Variants in ZW10 observed in about 807,000 individuals in gnomAD.
ZW10 encodes the protein centromere/kinetochore protein zw10 homolog.
In ZW10, 53 loss-of-function variants were observed where a neutral mutation model predicts 87.8. The observed-to-expected ratio is 0.60, with a 90% confidence interval of 0.48 to 0.76. The LOEUF (loss-of-function observed/expected upper bound fraction) is 0.76, where lower values mean the gene tolerates loss of function less well. ZW10 is among the 30% of genes least tolerant of loss of function. The probability of loss-of-function intolerance (pLI) is 0.00; values close to 1 mark genes in which losing one functional copy is unlikely to be tolerated. For missense variants in ZW10, 837 were observed against 923.0 expected (o/e 0.91, Z 1.21); for synonymous variants, 312 against 329.2 (o/e 0.95, Z 0.57).
At position 113,747,582 on chromosome 11, in the gene ZW10, C is replaced by T. The variant is rs1476026060; in HGVS notation, c.1221G>A (p.Val407=). ...SHFANKKCQD[V]IVAARNLMTS... ...TCATTAGATTTCTGGCTGCCACAAT[C>T]ACATCCTGGCACTTTTTGTTTGCAA... The change falls in exon 9 of 16, where the codon GTG becomes GTA. Residue 407 remains valine, a synonymous_variant. Transcript: ENST00000200135. The T allele has an allele frequency of 1.2e-6, 2 of 1,613,568 alleles. No homozygotes were observed. Among genetic ancestry groups the T allele is most frequent in the African/African-American group, 2.7e-5 (2 of 74,916 alleles).
chr11:113,768,944 G>A lies in ZW10; in HGVS notation c.129C>T (p.Ser43=). The change falls in exon 2 of 16, where the codon AGC becomes AGT. Residue 43 remains serine, a synonymous_variant. Transcript: ENST00000200135. The part of the protein sequence containing the change: ...EIKGEVCNMI[S]KKYSEFLPSM... ...TAGGCAGGAATTCACTGTACTTCTT[G>A]CTAATCATATTGCACACCTCACCCT... 2 of 1,614,082 alleles carry A rather than the reference G, an allele frequency of 1.2e-6. No individual in the cohort carries two copies. Among genetic ancestry groups the A allele is most frequent in the South Asian group, 2.2e-5 (2 of 91,072 alleles).
intron 7 of ZW10, among the ~76,000 whole-genome samples, chr11:113,756,760 A>G (rs992985699): frequency 5.9e-5 from 9 of 152,176 alleles, no homozygotes; most frequent in African/African-American, 1.7e-4. Context: ...CATCTCTCCA[A>G]TTCCTTCTAA....
At chr11:113,744,238 T>A (rs891471965) in intron 9 of ZW10, among the ~76,000 whole-genome samples, 198 bp from the exon 10 acceptor site, 15 of 151,744 alleles carry the variant, frequency 9.9e-5, no homozygotes, top group Admixed American at 2.6e-4. Context: ...ATACAAAAAA[T>A]TGGCCGGGCG....
chr11:113,735,089 A>G (rs1413813060), intron 15 of ZW10, among the ~76,000 whole-genome samples: 1 of 152,118 alleles, frequency 6.6e-6, no homozygotes, highest in Non-Finnish European at 1.5e-5. Flanking sequence ...GGTACATGAA[A>G]TTTATTCTTT....
At chr11:113,760,064 G>A in intron 5 of ZW10, 145 bp downstream of exon 5, 1 of 992,782 alleles carries the variant, frequency 1.0e-6, no homozygotes, top group Non-Finnish European at 1.4e-6. Flanking sequence ...TCCTAAGAAA[G>A]CATCTTGCTA....
intron 2 of ZW10, among the ~76,000 whole-genome samples, chr11:113,768,551 G>C (rs1218165145): frequency 6.6e-6 from 1 of 152,168 alleles, no homozygotes; most frequent in East Asian, 1.9e-4. Context: ...CAAAGTAACA[G>C]ATTGATCCAC....
rs781585046 is a variant in ZW10, at chr11:113,758,506, T to C, written c.733+48A>G. 49 of 1,581,808 alleles carry C rather than the reference T, an allele frequency of 3.1e-5. No homozygotes were observed. In the Middle Eastern group the frequency reaches 2.3e-3, roughly 75 times the overall value. On this transcript the variant is annotated intron_variant, in intron 6 of 15. Coordinates refer to ENST00000200135, the MANE Select transcript of ZW10 (RefSeq NM_004724.4). ...ATCTTTTCTGTCTTCCCTTTAATAC[T>C]GGGCCTCAGGAGATTTTGTGTAAAT...
In ZW10 at chr11:113,757,775, T is replaced by C; in HGVS notation, c.812A>G (p.Asn271Ser). Residue 271 changes from asparagine (N) to serine (S), a missense_variant, in exon 7 of 16, where the codon AAC becomes AGC. Transcript: ENST00000200135. Reference sequence around the variant, plus strand: ...AGATTCAAAACGAATAATAACTATGTTAGGCTGGCTTTCTATCACAGCATG... The same window carrying C: ...AGATTCAAAACGAATAATAACTATGCTAGGCTGGCTTTCTATCACAGCATG... ...SLHAVIESQPNIVIIRFESIM... is the reference protein window; with the variant it reads ...SLHAVIESQPSIVIIRFESIM... 1 of 1,613,854 alleles carries C rather than the reference T, an allele frequency of 6.2e-7. No individual in the cohort carries two copies. The highest frequency in any genetic ancestry group is 8.5e-7 in the Non-Finnish European group (1 of 1,179,816).
intron 7 of ZW10, among the ~76,000 whole-genome samples, chr11:113,751,921 C>T (rs1431275861): frequency 2.0e-5 from 3 of 151,802 alleles, no homozygotes; most frequent in Non-Finnish European, 4.4e-5. Context: ...CACTCCATCA[C>T]GTGATAGATA....
At chr11:113,734,368 C>T (rs74334028) in intron 15 of ZW10, among the ~76,000 whole-genome samples, 3,651 of 152,162 alleles carry the variant, frequency 0.024, 139 homozygotes, top group African/African-American at 0.082. Context: ...CATTGCATGC[C>T]AATTAGATCA....
intron 11 of ZW10, among the ~76,000 whole-genome samples, chr11:113,741,145 GT>G (rs1953613308): frequency 6.8e-6 from 1 of 147,350 alleles, no homozygotes; most frequent in Non-Finnish European, 1.5e-5. Flanking sequence ...TTGGTTTTTT[GT>G]TTCTTTGTTT....
At chr11:113,736,923 C>A (rs896776989) in intron 14 of ZW10, 101 bp from the exon 15 acceptor site, 2 of 1,084,956 alleles carry the variant, frequency 1.8e-6, no homozygotes, top group Non-Finnish European at 2.8e-6. Context: ...GGTGGGTCAG[C>A]TACAACATGT....
chr11:113,748,895 T>C (rs764569475), intron 7 of ZW10, among the ~76,000 whole-genome samples: 7 of 152,258 alleles, frequency 4.6e-5, no homozygotes, highest in Non-Finnish European at 8.8e-5. Context: ...GTATATGTTA[T>C]GGTGCATTTT....
chr11:113,746,095 T>C (rs1226637702), intron 9 of ZW10, among the ~76,000 whole-genome samples: 1 of 152,196 alleles, frequency 6.6e-6, no homozygotes, highest in Non-Finnish European at 1.5e-5. Flanking sequence ...AAATATCCCA[T>C]AGGACAGTCC....
Position 113,757,745 on chromosome 11 carries a change from A to T in ZW10, c.842T>A (p.Met281Lys), listed in dbSNP as rs113658962. The T allele has an allele frequency of 3.1e-5, 50 of 1,613,742 alleles. No homozygotes were observed. The African/African-American group carries it at 5.9e-4, about 19-fold the overall frequency. Residue 281 changes from methionine to lysine, a missense_variant, in exon 7 of 16, where the codon ATG (methionine) becomes AAG (lysine). Transcript: ENST00000200135. Reference sequence around the variant, plus strand: ...TGGTGATGGATATTCCAAGTTAGTCATTATAGATTCAAAACGAATAATAAC... The same window carrying T: ...TGGTGATGGATATTCCAAGTTAGTCTTTATAGATTCAAAACGAATAATAAC... ...NIVIIRFESIMTNLEYPSPSE... is the reference protein window; with the variant it reads ...NIVIIRFESIKTNLEYPSPSE...
intron 1 of ZW10, among the ~76,000 whole-genome samples, chr11:113,769,310 G>A (rs1206460217): frequency 6.6e-6 from 1 of 151,188 alleles, no homozygotes; most frequent in Middle Eastern, 3.2e-3. Flanking sequence ...TTGTACAAAT[G>A]CTGGAAAAGA....
intron 2 of ZW10, among the ~76,000 whole-genome samples, chr11:113,767,005 G>A (rs1468933014): frequency 2.0e-5 from 3 of 152,110 alleles, no homozygotes; most frequent in African/African-American, 7.2e-5. Context: ...AACAGAGTAA[G>A]AATCTGTCTC....
At chr11:113,745,275 T>C (rs1778859870) in intron 9 of ZW10, among the ~76,000 whole-genome samples, 1 of 151,404 alleles carries the variant, frequency 6.6e-6, no homozygotes, top group Non-Finnish European at 1.5e-5. Context: ...CTTTTGAACC[T>C]TGTTCCTCAA....
chr11:113,745,341 C>T (rs1953667488), intron 9 of ZW10, among the ~76,000 whole-genome samples: 1 of 151,692 alleles, frequency 6.6e-6, no homozygotes, highest in African/African-American at 2.4e-5. Context: ...AGGCAGCAGG[C>T]TCCCTACTCC....
Sources: gnomAD v4.1 joint callset for allele counts (sites outside exome capture counted in the v4.1 genomes callset) on GRCh38, gnomAD v4.1.1 for gene constraint, MANE v1.5 for transcripts, NCBI Gene and HGNC (gene_info 2026-07-23, HGNC 2026-07-21) for gene names.